Variants in AGAP1 observed in about 807,000 individuals in gnomAD.
AGAP1 encodes the protein ArfGAP with GTPase domain, ankyrin repeat and PH domain 1.
In AGAP1, 29 loss-of-function variants were observed where a neutral mutation model predicts 105.3. The observed-to-expected ratio is 0.28, with a 90% CI of 0.21 to 0.38. The LOEUF is 0.38. Among genes scored for constraint, AGAP1 ranks in the 10% least tolerant of loss-of-function variants. AGAP1 has a pLI of 1.00. For missense variants in AGAP1, 998 were observed against 1,165.1 expected (o/e 0.86, Z 2.09); for synonymous variants, 509 against 485.9 (o/e 1.05, Z -0.63).
At position 236,078,037 on chromosome 2, in the gene AGAP1, TTGTG is replaced by T. The variant is rs9287595; in HGVS notation, c.2114+28790_2114+28793del. On this transcript the variant is annotated intron_variant, in intron 16 of 17. Coordinates refer to ENST00000304032, the MANE Select transcript of AGAP1 (RefSeq NM_001037131.3). The surrounding 1 kb of genome is among the most constrained non-coding windows in gnomAD (Gnocchi z 5.3). ...AGGGTTCTCCAGAGAAACAACCAAT[TTGTG>T]TGTGTGTGTGTGTGTGTGTGTGTGT... 0.022 allele frequency among the ~76,000 whole-genome samples: 3,137 copies of T among 140,466 alleles called. 99 individuals carry two copies. Among genetic ancestry groups the T allele is most frequent in the African/African-American group, 0.069 (2,599 of 37,726 alleles). 92.2% of individuals were successfully genotyped at this position (140,466 alleles called of 152,430 possible).
intron 1 of AGAP1, among the ~76,000 whole-genome samples, chr2:235,547,786 C>T (rs1459088503): frequency 1.3e-5 from 2 of 152,242 alleles, no homozygotes; most frequent in Non-Finnish European, 2.9e-5. Context: ...AGCCACCATG[C>T]CCGGCCATGA....
chr2:235,703,922 G>A (rs766494341), intron 1 of AGAP1, among the ~76,000 whole-genome samples: 44 of 152,176 alleles, frequency 2.9e-4, no homozygotes, highest in Admixed American at 9.8e-4. Context: ...GGTGATCCAC[G>A]CCCCTTGGCC....
intron 3 of AGAP1, among the ~76,000 whole-genome samples, chr2:235,722,467 T>C (rs950103886): frequency 6.6e-6 from 1 of 152,180 alleles, no homozygotes; most frequent in African/African-American, 2.4e-5. Context: ...CTTCCTGTCT[T>C]CAGGGGAGAG....
intron 1 of AGAP1, among the ~76,000 whole-genome samples, chr2:235,606,674 T>G (rs1306181729): frequency 6.6e-6 from 1 of 152,108 alleles, no homozygotes; most frequent in Non-Finnish European, 1.5e-5. Flanking sequence ...ACCTTTTGGC[T>G]TGGTGGCTCA....
At chr2:236,069,672 C>T (rs1042451146) in intron 16 of AGAP1, among the ~76,000 whole-genome samples, 1 of 152,216 alleles carries the variant, frequency 6.6e-6, no homozygotes, top group Non-Finnish European at 1.5e-5. Context: ...GATCTGCCCA[C>T]CTCAGCCTCC....
intron 1 of AGAP1, among the ~76,000 whole-genome samples, chr2:235,497,096 A>G (rs1303983754): frequency 6.6e-6 from 1 of 152,242 alleles, no homozygotes; most frequent in African/African-American, 2.4e-5. Context: ...TTGCATGTAT[A>G]GTCTCATTGT....
Position 235,908,147 on chromosome 2 carries a change from G to A in AGAP1, c.1156-591G>A, listed in dbSNP as rs1019768851. 2.0e-5 allele frequency among the ~76,000 whole-genome samples: 3 copies of A among 152,140 alleles called. No individual in the cohort carries two copies. Among genetic ancestry groups the A allele is most frequent in the African/African-American group, 7.2e-5 (3 of 41,424 alleles). On this transcript the variant is annotated intron_variant, in intron 10 of 17. Coordinates refer to ENST00000304032, the MANE Select transcript of AGAP1 (RefSeq NM_001037131.3). The surrounding 1 kb of genome is among the most constrained non-coding windows in gnomAD (Gnocchi z 4.4). ...AGTGAGCTGCCAGAGAGCAGTCACT[G>A]TCCACCGAGGCTTCCCTGTAGTTCT...
chr2:235,878,524 C>G (rs575020618), intron 9 of AGAP1, among the ~76,000 whole-genome samples: 1 of 152,128 alleles, frequency 6.6e-6, no homozygotes, highest in Non-Finnish European at 1.5e-5. Context: ...GCACCCCGTT[C>G]CTGGAATTTG....
chr2:235,883,479 A>G lies in AGAP1; in HGVS notation c.1155+30A>G. 6.4e-7 allele frequency: 1 copy of G among 1,574,490 alleles called. No individual in the cohort carries two copies. Among genetic ancestry groups the G allele is most frequent in the East Asian group, 2.2e-5 (1 of 44,556 alleles). On this transcript the variant is annotated intron_variant, in intron 10 of 17. Coordinates refer to ENST00000304032, the MANE Select transcript of AGAP1 (RefSeq NM_001037131.3). The surrounding 1 kb of genome is among the most constrained non-coding windows in gnomAD (Gnocchi z 4.5). ...GTATAGCCCCCTCGGAGCAATTAAC[A>G]GCTGCAGACCTCAACTAAACACTGT...
chr2:235,703,266 C>T (rs1950347849), intron 1 of AGAP1, among the ~76,000 whole-genome samples: 1 of 151,990 alleles, frequency 6.6e-6, no homozygotes, highest in Non-Finnish European at 1.5e-5. Flanking sequence ...GTTGCTTCAT[C>T]AGGACTTGGC....
rs139517470 is a variant in AGAP1 at position 236,029,958 on chromosome 2, T to G, written c.1646-6603T>G. 1.7e-3 allele frequency among the ~76,000 whole-genome samples: 262 copies of G among 152,220 alleles called. 3 individuals are homozygous for G. Among genetic ancestry groups the G allele is most frequent in the African/African-American group, 6.2e-3 (258 of 41,534 alleles). ...CTCACTGTGTTGCCCAGACCAGTCT[T>G]GAACTCCTGGGCTCAAGTGATTCTG... On this transcript the variant is annotated intron_variant, in intron 13 of 17. Transcript: ENST00000304032.
chr2:235,685,939 A>C (rs536845144), intron 1 of AGAP1, among the ~76,000 whole-genome samples: 1 of 152,270 alleles, frequency 6.6e-6, no homozygotes, highest in Admixed American at 6.5e-5. Context: ...AGGCAGGACC[A>C]CTCAAAGTGG....
At chr2:236,007,089 G>GT (rs11373947) in intron 13 of AGAP1, among the ~76,000 whole-genome samples, 152,132 of 152,346 alleles carry the variant, frequency 1, 75,959 homozygotes, top group Middle Eastern at 1. Flanking sequence ...TTAAAGGAAG[G>GT]ATTTCCATAA....
intron 1 of AGAP1, among the ~76,000 whole-genome samples, chr2:235,651,992 G>A (rs185848116): frequency 1.7e-4 from 26 of 152,246 alleles, no homozygotes; most frequent in Non-Finnish European, 3.1e-4. Flanking sequence ...AGGGTTTGGG[G>A]CACCCCTTTT....
intron 11 of AGAP1, among the ~76,000 whole-genome samples, chr2:235,925,333 C>T (rs1463254029): frequency 2.0e-5 from 3 of 152,068 alleles, no homozygotes; most frequent in African/African-American, 7.2e-5. Flanking sequence ...AGTTTTCCCA[C>T]ATCTAAACGA....
chr2:235,935,292 A>G (rs2052934401), intron 12 of AGAP1, among the ~76,000 whole-genome samples: 1 of 152,136 alleles, frequency 6.6e-6, no homozygotes, highest in African/African-American at 2.4e-5. Context: ...GGAGGATTGG[A>G]TCCCTCCTCT....
intron 13 of AGAP1, among the ~76,000 whole-genome samples, chr2:236,023,192 T>C (rs928379936): frequency 6.6e-6 from 1 of 152,160 alleles, no homozygotes; most frequent in Non-Finnish European, 1.5e-5. Flanking sequence ...TGGAGAACTG[T>C]GTGAAGAGGA....
intron 9 of AGAP1, among the ~76,000 whole-genome samples, chr2:235,861,674 T>C (rs1332076322): frequency 6.6e-6 from 1 of 152,158 alleles, no homozygotes; most frequent in Non-Finnish European, 1.5e-5. Flanking sequence ...TCCAGGAAGG[T>C]CCAGGCAGTT....
In AGAP1 at chr2:235,992,739, G is replaced by T. The variant is rs569062530; in HGVS notation, c.1645+24116G>T. ...TGGCCGCTGAGGTCCTGCACACCTG[G>T]GGATGCGTCGTGGGCGCCGAGGAGA... On this transcript the variant is annotated intron_variant, in intron 13 of 17. Transcript: ENST00000304032. The surrounding 1 kb of genome is among the most constrained non-coding windows in gnomAD (Gnocchi z 4.8). Among the ~76,000 whole-genome samples, 48 of 152,288 alleles carry T rather than the reference G, an allele frequency of 3.2e-4. No individual in the cohort carries two copies. Among genetic ancestry groups the T allele is most frequent in the African/African-American group, 1.2e-3 (48 of 41,566 alleles).
Sources: allele counts gnomAD v4.1 joint callset (sites outside exome capture counted in the v4.1 genomes callset), GRCh38; gene constraint gnomAD v4.1.1; non-coding constraint Gnocchi (gnomAD v3.1); transcripts MANE v1.5; gene names NCBI Gene and HGNC (gene_info 2026-07-23, HGNC 2026-07-21).